SWT1: variants seen among roughly 807,000 people sequenced by gnomAD.
SWT1 encodes the protein SWT1 RNA endoribonuclease homolog, also known as transcriptional protein SWT1.
SWT1 carries 33 observed loss-of-function variants against 107.3 expected under a neutral mutation model. The ratio of observed to expected loss-of-function variants is 0.31; its 90% CI spans 0.23 to 0.41. The LOEUF is 0.41. SWT1 is among the 10% of genes least tolerant of loss of function. SWT1 has a pLI of 1.00. For missense variants in SWT1, 898 were observed against 1,028.9 expected (o/e 0.87, Z 1.74); for synonymous variants, 345 against 348.3 (o/e 0.99, Z 0.11).
intron 9 of SWT1, among the ~76,000 whole-genome samples, chr1:185,185,600 A>G (rs953579895): frequency 5.3e-5 from 8 of 152,128 alleles, no homozygotes; most frequent in Non-Finnish European, 7.4e-5. Context: ...TTATTTATAT[A>G]TGTAAGCTTA....
Position 185,264,227 on chromosome 1 carries a change from G to T in SWT1, c.2442-7096G>T, listed in dbSNP as rs74847919. On this transcript the variant is annotated intron_variant, in intron 16 of 18. Transcript: ENST00000367500. ...AACCTTATTTACAATAATCAATAGG[G>T]ATGAAAAGTGTAGTTAAGTATATAG... 1,338 of 361,790 alleles carry T rather than the reference G, an allele frequency of 3.7e-3. 43 individuals carry two copies. In the East Asian group the frequency reaches 0.092, roughly 25 times the overall value. The allele number at this position is 361,790 out of a possible 1,614,324, so 22.4% of individuals were successfully genotyped here.
intron 9 of SWT1, among the ~76,000 whole-genome samples, chr1:185,188,391 A>G (rs1300655489): frequency 6.6e-6 from 1 of 152,232 alleles, no homozygotes; most frequent in African/African-American, 2.4e-5. Flanking sequence ...TTTAAAGTTA[A>G]CTAATGATTT....
chr1:185,174,043 C>G (rs149605169), intron 4 of SWT1, among the ~76,000 whole-genome samples: 1 of 152,140 alleles, frequency 6.6e-6, no homozygotes, highest in East Asian at 1.9e-4. Flanking sequence ...ATCACACATA[C>G]GTTCTGTTTT....
chr1:185,170,379 T>C (rs1654944381), intron 4 of SWT1, among the ~76,000 whole-genome samples: 1 of 152,214 alleles, frequency 6.6e-6, no homozygotes, highest in South Asian at 2.1e-4. Flanking sequence ...TTGTACGCAC[T>C]GAGGCACACC....
At chr1:185,241,071 A>G (rs1661225256) in intron 16 of SWT1, among the ~76,000 whole-genome samples, 1 of 152,088 alleles carries the variant, frequency 6.6e-6, no homozygotes, top group Non-Finnish European at 1.5e-5. Flanking sequence ...AAGATTTTGG[A>G]AAAGGTTATT....
intron 10 of SWT1, among the ~76,000 whole-genome samples, chr1:185,191,669 T>C (rs531939920): frequency 2.5e-4 from 38 of 152,292 alleles, no homozygotes; most frequent in African/African-American, 8.9e-4. Flanking sequence ...CTAGGACATA[T>C]TACTTTGGAG....
chr1:185,228,186 TATAC>T (rs200095342), intron 15 of SWT1, among the ~76,000 whole-genome samples: 37,215 of 137,256 alleles, frequency 0.27, 5,051 homozygotes, highest in African/African-American at 0.31. Flanking sequence ...TATATATATA[TATAC>T]ATATATATAT....
At chr1:185,277,804 T>G (rs958461985) in intron 18 of SWT1, among the ~76,000 whole-genome samples, 8 of 152,162 alleles carry the variant, frequency 5.3e-5, no homozygotes, top group Admixed American at 2.6e-4. Flanking sequence ...TGTATCTTTA[T>G]AGTTCTCATC....
At chr1:185,160,449 C>G (rs1457861315) in intron 1 of SWT1, among the ~76,000 whole-genome samples, 2 of 152,146 alleles carry the variant, frequency 1.3e-5, no homozygotes, top group African/African-American at 2.4e-5. Context: ...TCACTCACAC[C>G]TGTAATCCCA....
At position 185,270,576 on chromosome 1, in the gene SWT1, C is replaced by T. The variant is rs755028576; in HGVS notation, c.2442-747C>T. On this transcript the variant is annotated intron_variant, in intron 16 of 18. Transcript: ENST00000367500. ...TTAAAATATTAGCCCGACTTGGTGG[C>T]GCTTGCCTTGTAGACCCAGCTACTT... 5.9e-5 allele frequency among the ~76,000 whole-genome samples: 9 copies of T among 151,964 alleles called. No individual in the cohort carries two copies. The South Asian group carries it at 6.2e-4, about 11-fold the overall frequency.
intron 5 of SWT1, 146 bp from the exon 6 acceptor site, chr1:185,180,245 G>C (rs1322022708): frequency 1.6e-6 from 1 of 642,766 alleles, no homozygotes; most frequent in South Asian, 1.9e-5. Flanking sequence ...GGAGGATAGA[G>C]GTCAGTGATG....
chr1:185,213,235 A>T (rs1453157135), intron 13 of SWT1, among the ~76,000 whole-genome samples: 1 of 152,222 alleles, frequency 6.6e-6, no homozygotes, highest in African/African-American at 2.4e-5. Flanking sequence ...GTTGTGTCCA[A>T]TTATATCTTC....
At chr1:185,267,323 A>G (rs1426896772) in intron 16 of SWT1, among the ~76,000 whole-genome samples, 2 of 152,234 alleles carry the variant, frequency 1.3e-5, no homozygotes, top group Non-Finnish European at 1.5e-5. Flanking sequence ...GATACAGAGA[A>G]GTAGGCAACT....
chr1:185,174,499 A>C lies in SWT1; in HGVS notation c.352A>C (p.Asn118His). 1 of 1,611,222 alleles carries C rather than the reference A, an allele frequency of 6.2e-7. No homozygotes were observed. The change falls in exon 5 of 19, where the codon AAT becomes CAT. Residue 118 changes from asparagine (N) to histidine (H), a missense_variant. Around this residue, in one of 6 missense-constraint regions of SWT1, gnomAD observed 382 missense variants for 362.4 expected, o/e 1.05. Coordinates refer to ENST00000367500, the MANE Select transcript of SWT1 (RefSeq NM_017673.7). ...NQIILQSPSSNGTKKDIHKCV... is the reference protein window; with the variant it reads ...NQIILQSPSSHGTKKDIHKCV... ...AATTATTTTGCAGAGTCCTTCTTCA[A>C]ATGGAACTAAAAAAGACATACATAA...
intron 15 of SWT1, 30 bp from the exon 16 acceptor site, chr1:185,231,547 C>G (rs777622329): frequency 1.3e-6 from 2 of 1,540,212 alleles, no homozygotes; most frequent in Non-Finnish European, 1.8e-6. Flanking sequence ...GTATGTATAC[C>G]TATGAGTATC....
At chr1:185,217,251 G>A (rs1165394202) in intron 14 of SWT1, among the ~76,000 whole-genome samples, 1 of 152,078 alleles carries the variant, frequency 6.6e-6, no homozygotes, top group South Asian at 2.1e-4. Flanking sequence ...TAAAACAGGG[G>A]TCCACAACCC....
intron 18 of SWT1, among the ~76,000 whole-genome samples, chr1:185,289,174 A>T (rs887359094): frequency 6.6e-6 from 1 of 152,242 alleles, no homozygotes; most frequent in Non-Finnish European, 1.5e-5. Flanking sequence ...TTTGAAATAC[A>T]TTCTTTGATA....
rs777248114 is a variant in SWT1 at position 185,190,658 on chromosome 1, A to AT, written c.1523+19dup. ...TTCTGTGCACGTGAGTTTCATAGTC[A>AT]TTTGACTTTTTATTTTTAAAAAATA... On this transcript the variant is annotated intron_variant, in intron 10 of 18. Coordinates refer to ENST00000367500, the MANE Select transcript of SWT1 (RefSeq NM_017673.7). 21 of 1,458,426 alleles carry AT rather than the reference A, an allele frequency of 1.4e-5. No individual in the cohort carries two copies. Among genetic ancestry groups the AT allele is most frequent in the Non-Finnish European group, 1.9e-5 (20 of 1,050,764 alleles). 90.3% of individuals were successfully genotyped at this position (1,458,426 alleles called of 1,614,324 possible).
chr1:185,253,350 T>G (rs1316725489), intron 16 of SWT1, among the ~76,000 whole-genome samples: 1 of 151,658 alleles, frequency 6.6e-6, no homozygotes, highest in Non-Finnish European at 1.5e-5. Flanking sequence ...GGGGATGGCA[T>G]TGAATCTGTA....
Sources: allele counts gnomAD v4.1 joint callset (sites outside exome capture counted in the v4.1 genomes callset), GRCh38; gene constraint gnomAD v4.1.1; regional missense constraint gnomAD v4.1.1; transcripts MANE v1.5; gene names NCBI Gene and HGNC (gene_info 2026-07-23, HGNC 2026-07-21).